Variants in KIAA1328 observed in about 807,000 individuals in gnomAD.
KIAA1328 encodes the protein KIAA1328.
A neutral mutation model predicts 68.1 loss-of-function variants in KIAA1328; 52 were observed. The ratio of observed to expected loss-of-function variants is 0.76; its 90% CI spans 0.61 to 0.96. The LOEUF (loss-of-function observed/expected upper bound fraction) is 0.96. Ranked by LOEUF, KIAA1328 falls within the 40% of genes least tolerant of loss-of-function variation. The probability of loss-of-function intolerance (pLI) is 0.00; values close to 1 mark genes in which losing one functional copy is unlikely to be tolerated. For synonymous variants in KIAA1328, 232 were observed against 239.4 expected, an observed-to-expected ratio of 0.97 and a Z score of 0.28; for missense variants, 641 against 677.6, an observed-to-expected ratio of 0.95 and a Z score of 0.60.
intron 6 of KIAA1328, among the ~76,000 whole-genome samples, chr18:37,036,578 C>G (rs1016005648): frequency 6.6e-6 from 1 of 152,182 alleles, no homozygotes; most frequent in Non-Finnish European, 1.5e-5. Flanking sequence ...TGTTGAGACA[C>G]GCAGAAACAT....
chr18:37,067,702 G>A (rs2056394574), intron 7 of KIAA1328, among the ~76,000 whole-genome samples, 157 bp downstream of exon 7: 1 of 152,044 alleles, frequency 6.6e-6, no homozygotes, highest in Non-Finnish European at 1.5e-5. Flanking sequence ...TGGGATTACA[G>A]GCGCCCGCCA....
chr18:36,865,468 C>T (rs1354664291), intron 4 of KIAA1328, among the ~76,000 whole-genome samples: 4 of 152,080 alleles, frequency 2.6e-5, no homozygotes. Context: ...TATAGTTGAT[C>T]TTGGTTAATG....
Position 37,187,358 on chromosome 18 carries a change from C to T in KIAA1328, c.1523+14277C>T, listed in dbSNP as rs1343012871. ...TTGGGATTTGTATTAGAATAGGGACCCTGCATCAAGCTCTTCTCACCACAT... is the reference window on the plus strand; with the variant it reads ...TTGGGATTTGTATTAGAATAGGGACTCTGCATCAAGCTCTTCTCACCACAT... On this transcript the variant is annotated intron_variant, in intron 9 of 9. Coordinates refer to ENST00000280020, the MANE Select transcript of KIAA1328 (RefSeq NM_020776.3). 7.9e-5 allele frequency among the ~76,000 whole-genome samples: 12 copies of T among 151,942 alleles called. No individual in the cohort carries two copies. The East Asian group carries it at 2.3e-3, about 29-fold the overall frequency.
intron 4 of KIAA1328, among the ~76,000 whole-genome samples, chr18:36,885,173 A>T (rs1444694262): frequency 6.6e-6 from 1 of 152,196 alleles, no homozygotes; most frequent in Admixed American, 6.5e-5. Context: ...AAATAAACTT[A>T]TACAAAATGT....
chr18:37,125,990 A>G (rs898160708), intron 7 of KIAA1328, among the ~76,000 whole-genome samples: 1 of 152,200 alleles, frequency 6.6e-6, no homozygotes, highest in Non-Finnish European at 1.5e-5. Flanking sequence ...TGTGTGCAAA[A>G]AATGATTGCT....
rs190821249 is a variant in KIAA1328 at position 37,197,524 on chromosome 18, A to G, written c.1523+24443A>G. ...TATTAATTTTCTGGAGAAACAGAGA[A>G]GAAAAGACTCAGGAATGTTGTGTAC... On this transcript the variant is annotated intron_variant, in intron 9 of 9. Transcript: ENST00000280020. Among the ~76,000 whole-genome samples the G allele has an allele frequency of 1.0e-3, 154 of 152,288 alleles. 2 individuals are homozygous for G. Among genetic ancestry groups the G allele is most frequent in the African/African-American group, 3.7e-3 (152 of 41,582 alleles).
chr18:36,876,134 T>C (rs1289820991), intron 4 of KIAA1328, among the ~76,000 whole-genome samples: 1 of 152,182 alleles, frequency 6.6e-6, no homozygotes, highest in Non-Finnish European at 1.5e-5. Flanking sequence ...TTTCTTTTTT[T>C]GTTGCGTCTC....
intron 8 of KIAA1328, among the ~76,000 whole-genome samples, chr18:37,165,459 G>A (rs994346015): frequency 4.8e-4 from 72 of 151,386 alleles, no homozygotes; most frequent in Non-Finnish European, 8.5e-4. Flanking sequence ...TGCCCTTGTT[G>A]CCCAGACTGG....
At chr18:37,072,067 A>G (rs574962638) in intron 7 of KIAA1328, among the ~76,000 whole-genome samples, 45 of 152,322 alleles carry the variant, frequency 3.0e-4, no homozygotes, top group African/African-American at 9.9e-4. Context: ...AAAAGTGAAG[A>G]GAGGAAAAAT....
intron 6 of KIAA1328, among the ~76,000 whole-genome samples, chr18:37,052,080 A>G (rs920166790): frequency 3.3e-5 from 5 of 152,090 alleles, no homozygotes; most frequent in Admixed American, 1.3e-4. Context: ...CCTGATTAAC[A>G]TAGGTAGAGA....
intron 7 of KIAA1328, among the ~76,000 whole-genome samples, chr18:37,098,054 A>G (rs186688896): frequency 2.6e-5 from 4 of 152,292 alleles, no homozygotes; most frequent in Admixed American, 2.0e-4. Context: ...TCCTAATTGA[A>G]TACCCTTCAT....
rs1002222871 is a variant in KIAA1328 at position 37,224,331 on chromosome 18, T to G, written c.*2104T>G. The G allele has an allele frequency of 3.5e-5, 34 of 985,396 alleles. No individual in the cohort carries two copies. In the African/African-American group the frequency reaches 5.4e-4, roughly 16 times the overall value. The allele number at this position is 985,396 out of a possible 1,614,324, so 61.0% of individuals were successfully genotyped here. Reference sequence around the variant, plus strand: ...AACAGAGTCTAAACTAAAGGCTTTTTGGGGGTCACAGCCACAGAGTGGAGT... The same window carrying G: ...AACAGAGTCTAAACTAAAGGCTTTTGGGGGGTCACAGCCACAGAGTGGAGT... On this transcript the variant is annotated 3_prime_UTR_variant, in exon 10 of 10. Transcript: ENST00000280020.
intron 4 of KIAA1328, among the ~76,000 whole-genome samples, chr18:36,855,879 C>G (rs978987125): frequency 2.0e-5 from 3 of 151,962 alleles, no homozygotes; most frequent in African/African-American, 7.2e-5. Context: ...GAGGCATCCA[C>G]TATCTTTCTT....
At chr18:37,094,832 G>C (rs896604579) in intron 7 of KIAA1328, among the ~76,000 whole-genome samples, 4 of 151,980 alleles carry the variant, frequency 2.6e-5, no homozygotes, top group Non-Finnish European at 5.9e-5. Flanking sequence ...CTACAAGAAA[G>C]TAACTTCACC....
intron 6 of KIAA1328, among the ~76,000 whole-genome samples, chr18:36,998,667 T>C (rs926523794): frequency 4.6e-5 from 7 of 151,974 alleles, no homozygotes; most frequent in African/African-American, 1.7e-4. Flanking sequence ...CAGATACCAC[T>C]AACACCATTT....
At chr18:37,100,333 T>G (rs1057415257) in intron 7 of KIAA1328, among the ~76,000 whole-genome samples, 3 of 152,204 alleles carry the variant, frequency 2.0e-5, no homozygotes, top group African/African-American at 7.2e-5. Context: ...AATACTGCAC[T>G]TTTCCAATGG....
intron 6 of KIAA1328, among the ~76,000 whole-genome samples, chr18:36,997,553 G>A (rs972744704): frequency 2.0e-5 from 3 of 152,112 alleles, no homozygotes; most frequent in Non-Finnish European, 4.4e-5. Context: ...GCTTTAGGGA[G>A]GCAGCTTGCA....
chr18:36,872,927 T>G (rs942214760), intron 4 of KIAA1328, among the ~76,000 whole-genome samples: 6 of 152,226 alleles, frequency 3.9e-5, no homozygotes, highest in African/African-American at 1.4e-4. Context: ...AAAGGTTTTG[T>G]GAGGCCCAAC....
rs745386624 is a variant in KIAA1328, at chr18:37,067,217, C to G, written c.904C>G (p.Pro302Ala). 8 of 1,613,964 alleles carry G rather than the reference C, an allele frequency of 5.0e-6. No individual in the cohort carries two copies. Among genetic ancestry groups the G allele is most frequent in the Non-Finnish European group, 5.9e-6 (7 of 1,179,876 alleles). The change falls in exon 7 of 10, where the codon CCT becomes GCT. Residue 302 changes from proline (P) to alanine (A), a missense_variant. Pro to Ala is a conservative substitution (Grantham distance 27). Transcript: ENST00000280020. ...MKECPHLKPT[P>A]SQCCGHRLAA... ...GGAATGTCCACATCTTAAGCCTACT[C>G]CTAGTCAATGCTGTGGTCATAGACT...
Sources: gnomAD v4.1 joint callset for allele counts (sites outside exome capture counted in the v4.1 genomes callset) on GRCh38, gnomAD v4.1.1 for gene constraint, MANE v1.5 for transcripts, NCBI Gene and HGNC (gene_info 2026-07-23, HGNC 2026-07-21) for gene names.